DHX35: variants seen among roughly 807,000 people sequenced by gnomAD.
The protein encoded by DHX35 is DEAH-box helicase 35.
In DHX35, 84 loss-of-function variants were observed where a neutral mutation model predicts 99.6. The observed-to-expected ratio is 0.84, with a 90% confidence interval of 0.71 to 1.01. The LOEUF (loss-of-function observed/expected upper bound fraction) is 1.01, where lower values mean the gene tolerates loss of function less well. Ranked by LOEUF, DHX35 falls within the 50% of genes least tolerant of loss-of-function variation. The pLI, the probability that DHX35 is intolerant of heterozygous loss-of-function variation, is 0.00. For missense variants in DHX35, 852 were observed against 888.5 expected (o/e 0.96, Z 0.52); for synonymous variants, 331 against 316.2 (o/e 1.05, Z -0.50).
intron 3 of DHX35, among the ~76,000 whole-genome samples, chr20:38,982,168 C>G (rs1486917604): frequency 7.3e-6 from 1 of 136,532 alleles, no homozygotes; most frequent in Non-Finnish European, 1.6e-5. Context: ...CCATAGGGCT[C>G]TTTTGAGCCT....
intron 3 of DHX35, among the ~76,000 whole-genome samples, chr20:38,981,351 G>A (rs2086169202): frequency 6.6e-6 from 1 of 152,106 alleles, no homozygotes; most frequent in South Asian, 2.1e-4. Flanking sequence ...CTGTAAGGAA[G>A]AACTGTGCTT....
intron 2 of DHX35, among the ~76,000 whole-genome samples, chr20:38,972,118 T>A (rs1304953228): frequency 6.7e-6 from 1 of 149,540 alleles, no homozygotes; most frequent in Non-Finnish European, 1.5e-5. Context: ...CAAGCAATTC[T>A]GCTGCCTTAG....
At chr20:38,974,339 C>T (rs1354537191) in intron 3 of DHX35, among the ~76,000 whole-genome samples, 1 of 152,114 alleles carries the variant, frequency 6.6e-6, no homozygotes, top group Admixed American at 6.5e-5. Flanking sequence ...GAACAATTTA[C>T]AATTTTAGCG....
At chr20:38,976,336 C>CTGTGTGTGTGTGTG (rs11472267) in intron 3 of DHX35, among the ~76,000 whole-genome samples, 22 of 146,064 alleles carry the variant, frequency 1.5e-4, no homozygotes, top group Non-Finnish European at 2.8e-4. Flanking sequence ...AGAGAAGTGT[C>CTGTGTGTGTGTGTG]TGTGTGTGTG....
intron 13 of DHX35, among the ~76,000 whole-genome samples, chr20:39,012,630 A>G (rs1438980080): frequency 6.6e-6 from 1 of 152,074 alleles, no homozygotes; most frequent in Non-Finnish European, 1.5e-5. Flanking sequence ...CTTGGGTTCA[A>G]GTGATTCTCG....
intron 21 of DHX35, among the ~76,000 whole-genome samples, chr20:39,038,197 G>GGA (rs2087186593): frequency 6.6e-6 from 1 of 152,234 alleles, no homozygotes; most frequent in Non-Finnish European, 1.5e-5. Context: ...CTAGGCTGGG[G>GGA]CAGAGGGAGA....
At chr20:38,995,285 G>A (rs555507772) in intron 8 of DHX35, among the ~76,000 whole-genome samples, 1 of 152,330 alleles carries the variant, frequency 6.6e-6, no homozygotes, top group African/African-American at 2.4e-5. Flanking sequence ...AGCACTTTGG[G>A]AGGCTGAGGT....
intron 3 of DHX35, among the ~76,000 whole-genome samples, chr20:38,980,194 T>C (rs1277363587): frequency 6.6e-6 from 1 of 152,200 alleles, no homozygotes; most frequent in Admixed American, 6.5e-5. Context: ...TTATGGAAAT[T>C]GTTTTTCTTT....
At chr20:39,020,982 G>A (rs2086863885) in intron 15 of DHX35, among the ~76,000 whole-genome samples, 1 of 152,136 alleles carries the variant, frequency 6.6e-6, no homozygotes. Context: ...GATTCTAAGT[G>A]TGGACTGGGG....
chr20:38,985,327 C>T (rs1015402576), intron 4 of DHX35, among the ~76,000 whole-genome samples: 5 of 131,820 alleles, frequency 3.8e-5, no homozygotes, highest in African/African-American at 5.8e-5. Flanking sequence ...GTTAAGGTTG[C>T]GGTGAGTTAT....
chr20:38,989,748 T>G (rs2086309334), intron 5 of DHX35, among the ~76,000 whole-genome samples: 1 of 152,206 alleles, frequency 6.6e-6, no homozygotes, highest in Admixed American at 6.5e-5. Flanking sequence ...AAAATGGATT[T>G]TACATGTGTG....
intron 14 of DHX35, among the ~76,000 whole-genome samples, chr20:39,018,584 AG>A (rs1172011194): frequency 6.6e-6 from 1 of 152,046 alleles, no homozygotes; most frequent in Non-Finnish European, 1.5e-5. Flanking sequence ...TAGAAGTATC[AG>A]TTTTTTAAAA....
rs757459707 is a variant in DHX35 at position 39,018,812 on chromosome 20, A to G, written c.1411A>G (p.Lys471Glu). ...ELLYALGGLD[K>E]DCRLTEPLGM... Reference sequence around the variant, plus strand: ...TGTTGTTCTTATGGCAGGTCTGGACAAAGACTGTCGCCTAACTGAACCGCT... The same window carrying G: ...TGTTGTTCTTATGGCAGGTCTGGACGAAGACTGTCGCCTAACTGAACCGCT... The change falls in exon 15 of 22, where the codon AAA (lysine) becomes GAA (glutamate). Residue 471 changes from lysine to glutamate, a missense_variant. By Grantham distance (56) the Lys-to-Glu change is moderately conservative. Transcript: ENST00000252011. 1 of 1,613,894 alleles carries G rather than the reference A, an allele frequency of 6.2e-7. No homozygotes were observed. Among genetic ancestry groups the G allele is most frequent in the East Asian group, 2.2e-5 (1 of 44,860 alleles).
intron 8 of DHX35, among the ~76,000 whole-genome samples, chr20:38,998,190 G>A (rs557809316): frequency 3.3e-5 from 5 of 152,232 alleles, no homozygotes; most frequent in African/African-American, 7.2e-5. Flanking sequence ...CCTGTATCAC[G>A]TGATGATATT....
intron 1 of DHX35, among the ~76,000 whole-genome samples, chr20:38,963,902 C>CA (rs2085871962): frequency 6.6e-6 from 1 of 152,212 alleles, no homozygotes. Context: ...GCTCTAGAGT[C>CA]AGACTGCAGT....
intron 11 of DHX35, among the ~76,000 whole-genome samples, 163 bp downstream of exon 11, chr20:39,004,070 C>CT (rs995819364): frequency 8.7e-5 from 13 of 149,156 alleles, no homozygotes; most frequent in South Asian, 2.1e-4. Flanking sequence ...GTGAAGATTT[C>CT]TTTTTTTTTT....
At chr20:38,972,097 C>T (rs2086010223) in intron 2 of DHX35, among the ~76,000 whole-genome samples, 1 of 151,302 alleles carries the variant, frequency 6.6e-6, no homozygotes. Flanking sequence ...CAGCCTCCCC[C>T]CGCCTGGGTT....
chr20:39,030,477 C>T (rs779056930), intron 19 of DHX35: 18 of 538,666 alleles, frequency 3.3e-5, no homozygotes, highest in Admixed American at 2.4e-4. Flanking sequence ...TAAGTGTCCG[C>T]GTGTTGCTTT....
intron 7 of DHX35, among the ~76,000 whole-genome samples, chr20:38,993,534 A>G (rs2086374364): frequency 6.6e-6 from 1 of 151,892 alleles, no homozygotes; most frequent in African/African-American, 2.4e-5. Context: ...CTAATTTTGT[A>G]TTTTTAGTAG....
Sources: gnomAD v4.1 joint callset for allele counts (sites outside exome capture counted in the v4.1 genomes callset) on GRCh38, gnomAD v4.1.1 for gene constraint, MANE v1.5 for transcripts, NCBI Gene and HGNC (gene_info 2026-07-23, HGNC 2026-07-21) for gene names.